THAP4: variants seen among roughly 807,000 people sequenced by gnomAD.
THAP4 encodes the protein peroxynitrite isomerase THAP4.
THAP4 carries 18 observed loss-of-function variants against 48.1 expected under a neutral mutation model. The observed-to-expected ratio is 0.37, with a 90% CI of 0.26 to 0.56. The LOEUF is 0.56. Among genes scored for constraint, THAP4 ranks in the 20% least tolerant of loss-of-function variants. The probability of loss-of-function intolerance (pLI) is 0.78; values close to 1 mark genes in which losing one functional copy is unlikely to be tolerated. For missense variants in THAP4, 656 were observed against 774.9 expected (o/e 0.85, Z 1.82); for synonymous variants, 345 against 324.9 (o/e 1.06, Z -0.66).
At chr2:241,603,186 C>T in intron 3 of THAP4, 107 bp from the exon 4 acceptor site, 1 of 816,308 alleles carries the variant, frequency 1.2e-6, no homozygotes, top group Non-Finnish European at 2.1e-6. Flanking sequence ...GCTGCTCCAG[C>T]CACACCCGCA....
At chr2:241,602,926 A>C in intron 4 of THAP4, 44 bp downstream of exon 4, 1 of 1,445,520 alleles carries the variant, frequency 6.9e-7, no homozygotes, top group Non-Finnish European at 9.7e-7. Context: ...TGCAGGCAGC[A>C]GCCTCCCATG....
At chr2:241,629,856 C>G (rs566693740) in intron 2 of THAP4, among the ~76,000 whole-genome samples, 38 of 151,770 alleles carry the variant, frequency 2.5e-4, no homozygotes, top group African/African-American at 9.2e-4. Context: ...TCCTGGAAAT[C>G]AGCAGACCGA....
chr2:241,588,079 C>T (rs1423786273), intron 5 of THAP4, among the ~76,000 whole-genome samples: 1 of 151,476 alleles, frequency 6.6e-6, no homozygotes, highest in Non-Finnish European at 1.5e-5. Flanking sequence ...AATAAAGAAA[C>T]AAACTACAGA....
chr2:241,607,313 G>C (rs2125080516), intron 2 of THAP4, among the ~76,000 whole-genome samples: 1 of 152,154 alleles, frequency 6.6e-6, no homozygotes, highest in Middle Eastern at 3.4e-3. Flanking sequence ...CAAGGACTGG[G>C]TGCTCCCGAG....
At chr2:241,602,034 T>C (rs372613604) in intron 4 of THAP4, 35 bp from the exon 5 acceptor site, 259 of 1,598,164 alleles carry the variant, frequency 1.6e-4, no homozygotes, top group Non-Finnish European at 2.2e-4. Context: ...ACCCAGCAGC[T>C]GCTCGGCTTG....
At chr2:241,605,363 G>A (rs975782591) in intron 3 of THAP4, among the ~76,000 whole-genome samples, 2 of 152,146 alleles carry the variant, frequency 1.3e-5, no homozygotes, top group East Asian at 1.9e-4. Context: ...ATATAGTTGT[G>A]TAATGGAGAC....
intron 5 of THAP4, among the ~76,000 whole-genome samples, chr2:241,590,753 A>G (rs922449127): frequency 3.1e-4 from 36 of 115,970 alleles, no homozygotes; most frequent in East Asian, 8.9e-4. Flanking sequence ...GACACTCAGA[A>G]CTGCCCGGCT....
intron 2 of THAP4, among the ~76,000 whole-genome samples, chr2:241,615,079 G>A (rs938183943): frequency 3.3e-5 from 5 of 152,102 alleles, no homozygotes; most frequent in Non-Finnish European, 5.9e-5. Flanking sequence ...GGTGTCCCTT[G>A]AAAACACTGC....
intron 2 of THAP4, among the ~76,000 whole-genome samples, chr2:241,618,776 A>G (rs1559229948): frequency 6.6e-6 from 1 of 152,084 alleles, no homozygotes; most frequent in Non-Finnish European, 1.5e-5. Flanking sequence ...CTACATTTTC[A>G]TAGGTTTCAC....
At chr2:241,614,280 T>A (rs1027080052) in intron 2 of THAP4, among the ~76,000 whole-genome samples, 4 of 151,648 alleles carry the variant, frequency 2.6e-5, no homozygotes, top group African/African-American at 9.7e-5. Flanking sequence ...AGCTGGGCAA[T>A]AAGCAATAAG....
intron 2 of THAP4, among the ~76,000 whole-genome samples, chr2:241,608,055 G>A (rs2067209784): frequency 1.3e-5 from 2 of 151,956 alleles, no homozygotes; most frequent in Admixed American, 1.3e-4. Context: ...AGGAGTTCTT[G>A]GAACCATCGC....
chr2:241,635,747 C>T (rs547006215), intron 1 of THAP4, among the ~76,000 whole-genome samples: 26 of 151,562 alleles, frequency 1.7e-4, no homozygotes, highest in African/African-American at 6.3e-4. Flanking sequence ...CCAGCCTGGG[C>T]GACAGAGGGA....
chr2:241,626,942 C>A (rs143704187), intron 2 of THAP4, among the ~76,000 whole-genome samples: 160 of 152,320 alleles, frequency 1.1e-3, no homozygotes, highest in African/African-American at 3.6e-3. Context: ...AATAAATCCA[C>A]ACACATGTCC....
At position 241,607,478 on chromosome 2, in the gene THAP4, A is replaced by G. The variant is rs529780916; in HGVS notation, c.1241-1005T>C. On this transcript the variant is annotated intron_variant, in intron 2 of 5. Coordinates refer to ENST00000407315, the MANE Select transcript of THAP4 (RefSeq NM_015963.6). ...CGCTGGAAGAGAAGGACTGATCCCCAGAGGCAATCCCAAAGACCTGCTTCC... is the reference window on the plus strand; with the variant it reads ...CGCTGGAAGAGAAGGACTGATCCCCGGAGGCAATCCCAAAGACCTGCTTCC... Among the ~76,000 whole-genome samples the G allele has an allele frequency of 2.6e-5, 4 of 151,956 alleles. No individual in the cohort carries two copies. The East Asian group carries it at 7.8e-4, about 30-fold the overall frequency.
At chr2:241,637,427 C>G (rs1161643661), upstream of THAP4, 1 of 1,463,110 alleles carries the variant, frequency 6.8e-7, no homozygotes, top group East Asian at 3.0e-5. Context: ...CTCCTGGGTC[C>G]TCTAAGAGGA....
At chr2:241,611,163 TG>T (rs550358352) in intron 2 of THAP4, among the ~76,000 whole-genome samples, 17 of 152,066 alleles carry the variant, frequency 1.1e-4, no homozygotes, top group African/African-American at 3.6e-4. Context: ...CTCTGGGAGC[TG>T]GGGGGGTGGC....
intron 1 of THAP4, among the ~76,000 whole-genome samples, chr2:241,635,155 C>T (rs376258760): frequency 3.3e-5 from 5 of 152,190 alleles, no homozygotes; most frequent in Non-Finnish European, 7.4e-5. Context: ...AGCCGTGGCT[C>T]ATGCCTGTGA....
intron 2 of THAP4, among the ~76,000 whole-genome samples, chr2:241,607,537 A>C (rs1029800201): frequency 6.6e-6 from 1 of 151,472 alleles, no homozygotes; most frequent in Non-Finnish European, 1.5e-5. Flanking sequence ...TCAGTGCTTC[A>C]ATTGACAGAA....
rs375573407 is a variant in THAP4 at position 241,584,599 on chromosome 2, T to A, written c.*7A>T. 2.2e-4 allele frequency: 349 copies of A among 1,613,580 alleles called. No individual in the cohort carries two copies. The highest frequency in any genetic ancestry group is 2.9e-4 in the Non-Finnish European group (342 of 1,179,964). Reference sequence around the variant, plus strand: ...AGGCCCTCCCGAGGGCTCCAGAAGCTCTAGGTTTACGGGGTCACCTTCTTG... The same window carrying A: ...AGGCCCTCCCGAGGGCTCCAGAAGCACTAGGTTTACGGGGTCACCTTCTTG... On this transcript the variant is annotated 3_prime_UTR_variant, in exon 6 of 6. Coordinates refer to ENST00000407315, the MANE Select transcript of THAP4 (RefSeq NM_015963.6).
Sources: allele counts gnomAD v4.1 joint callset (sites outside exome capture counted in the v4.1 genomes callset), GRCh38; gene constraint gnomAD v4.1.1; transcripts MANE v1.5; gene names NCBI Gene and HGNC (gene_info 2026-07-23, HGNC 2026-07-21).